Variants in ULK4 observed in about 807,000 individuals in gnomAD.
ULK4 encodes unc-51 like kinase 4, also known as inactive serine/threonine-protein kinase ULK4.
ULK4 carries 133 observed loss-of-function variants against 160.6 expected under a neutral mutation model. That is an observed-to-expected ratio of 0.83 (90% CI 0.72 to 0.96). The LOEUF (loss-of-function observed/expected upper bound fraction) is 0.96, where lower values mean the gene tolerates loss of function less well. Among genes scored for constraint, ULK4 ranks in the 40% least tolerant of loss-of-function variants. ULK4 has a pLI of 0.00. For missense variants in ULK4, 1,580 were observed against 1,499.5 expected (o/e 1.05, Z -0.89); for synonymous variants, 534 against 539.8 (o/e 0.99, Z 0.15).
intron 27 of ULK4, among the ~76,000 whole-genome samples, chr3:41,693,685 G>C (rs1055634107): frequency 1.3e-5 from 2 of 152,184 alleles, no homozygotes; most frequent in Admixed American, 1.3e-4. Flanking sequence ...AGTAATGAGA[G>C]TATGATGGAA....
chr3:41,752,373 G>C (rs934280867), intron 22 of ULK4, among the ~76,000 whole-genome samples: 3 of 152,050 alleles, frequency 2.0e-5, no homozygotes, highest in African/African-American at 7.2e-5. Flanking sequence ...TCCACTTCTG[G>C]CCATAATGGA....
intron 32 of ULK4, among the ~76,000 whole-genome samples, chr3:41,506,280 A>T (rs1359910602): frequency 6.6e-6 from 1 of 152,182 alleles, no homozygotes; most frequent in Non-Finnish European, 1.5e-5. Flanking sequence ...CATAAACCAA[A>T]GAGAAGGTGC....
chr3:41,715,589 C>G (rs1200529678), intron 23 of ULK4, 21 bp from the exon 24 acceptor site: 1 of 1,613,790 alleles, frequency 6.2e-7, no homozygotes, highest in South Asian at 1.1e-5. Flanking sequence ...CAGCCCAGAG[C>G]ATATGTGGAG....
chr3:41,860,769 TC>T (rs1158931070), intron 17 of ULK4, among the ~76,000 whole-genome samples: 2 of 151,508 alleles, frequency 1.3e-5, no homozygotes, highest in Non-Finnish European at 3.0e-5. Context: ...TTATTTGTTT[TC>T]TGGTTGTTTT....
chr3:41,323,200 G>T (rs2080276116), intron 35 of ULK4, among the ~76,000 whole-genome samples: 1 of 151,696 alleles, frequency 6.6e-6, no homozygotes, highest in African/African-American at 2.4e-5. Flanking sequence ...GCCTTCCAAA[G>T]TGTTGGGATT....
At chr3:41,263,538 C>T (rs146985488) in intron 35 of ULK4, among the ~76,000 whole-genome samples, 1 of 152,298 alleles carries the variant, frequency 6.6e-6, no homozygotes, top group African/African-American at 2.4e-5. Flanking sequence ...CTAAACCACT[C>T]TGCAGTGATT....
At chr3:41,313,735 GT>G (rs775824167) in intron 35 of ULK4, among the ~76,000 whole-genome samples, 1 of 152,092 alleles carries the variant, frequency 6.6e-6, no homozygotes, top group African/African-American at 2.4e-5. Flanking sequence ...TTCTATAGTG[GT>G]TTTAAAACAT....
chr3:41,666,794 T>G (rs2035363720), intron 29 of ULK4, among the ~76,000 whole-genome samples: 1 of 152,018 alleles, frequency 6.6e-6, no homozygotes, highest in Non-Finnish European at 1.5e-5. Context: ...ACATTCTCAA[T>G]AGGGCTAGAA....
chr3:41,953,304 A>ATTTTTTTTT (rs60007502), intron 2 of ULK4, among the ~76,000 whole-genome samples: 27 of 124,816 alleles, frequency 2.2e-4, no homozygotes, highest in African/African-American at 8.4e-4. Flanking sequence ...ATATATATAT[A>ATTTTTTTTT]TTTTTTTTTT....
At position 41,283,905 on chromosome 3, in the gene ULK4, C is replaced by A. The variant is rs143767556; in HGVS notation, c.3679-34331G>T. ...CAAAAATCAGTAGCTCTTCTATACA[C>A]CAACAGTGACCAAGCGGAGAATCAA... is the stretch of plus-strand genomic sequence containing the variant. On this transcript the variant is annotated intron_variant, in intron 35 of 36. Coordinates refer to ENST00000301831, the MANE Select transcript of ULK4 (RefSeq NM_017886.4). Among the ~76,000 whole-genome samples the A allele has an allele frequency of 5.3e-3, 808 of 152,102 alleles. 7 individuals are homozygous for A. Among genetic ancestry groups the A allele is most frequent in the African/African-American group, 0.018 (757 of 41,478 alleles).
intron 35 of ULK4, among the ~76,000 whole-genome samples, chr3:41,263,653 A>T (rs1179221980): frequency 6.6e-6 from 1 of 152,224 alleles, no homozygotes; most frequent in Non-Finnish European, 1.5e-5. Flanking sequence ...ATATGCAATA[A>T]ATATCATACA....
At chr3:41,796,393 C>T (rs1317511561) in intron 20 of ULK4, among the ~76,000 whole-genome samples, 1 of 151,880 alleles carries the variant, frequency 6.6e-6, no homozygotes, top group Admixed American at 6.6e-5. Flanking sequence ...GTTTGAGACC[C>T]GCCTGGCCAA....
chr3:41,638,356 A>C (rs1225475366), intron 30 of ULK4, among the ~76,000 whole-genome samples: 1 of 152,126 alleles, frequency 6.6e-6, no homozygotes, highest in African/African-American at 2.4e-5. Flanking sequence ...CTGTCCCTAA[A>C]AACTGACCAT....
intron 30 of ULK4, among the ~76,000 whole-genome samples, chr3:41,632,708 T>C (rs2033797517): frequency 6.6e-6 from 1 of 151,452 alleles, no homozygotes; most frequent in South Asian, 2.1e-4. Flanking sequence ...ACAAATGCTG[T>C]GTATGTGCTA....
intron 35 of ULK4, among the ~76,000 whole-genome samples, chr3:41,333,566 C>T (rs1385795387): frequency 6.6e-6 from 1 of 152,160 alleles, no homozygotes; most frequent in Non-Finnish European, 1.5e-5. Context: ...AAATCTTGCA[C>T]ATCTTACCTA....
intron 1 of ULK4, 37 bp from the exon 2 acceptor site, chr3:41,954,844 G>T (rs907238227): frequency 3.0e-6 from 4 of 1,314,726 alleles, no homozygotes; most frequent in Non-Finnish European, 4.2e-6. Flanking sequence ...ATAAATGCAA[G>T]TTAGTTGCAT....
chr3:41,297,794 T>A (rs1305460447), intron 35 of ULK4, among the ~76,000 whole-genome samples: 1 of 152,230 alleles, frequency 6.6e-6, no homozygotes, highest in Admixed American at 6.5e-5. Flanking sequence ...TGTGTCTCCA[T>A]AAGAGGCTGA....
intron 17 of ULK4, among the ~76,000 whole-genome samples, chr3:41,836,895 T>C (rs1258833417): frequency 6.6e-6 from 1 of 152,142 alleles, no homozygotes; most frequent in Non-Finnish European, 1.5e-5. Context: ...CGACCATGAT[T>C]AGGACAGAAC....
chr3:41,943,384 C>T (rs1405156350), intron 2 of ULK4, among the ~76,000 whole-genome samples: 1 of 152,120 alleles, frequency 6.6e-6, no homozygotes, highest in African/African-American at 2.4e-5. Flanking sequence ...ACCAAAATCT[C>T]TGTTACACAT....
Sources: allele counts gnomAD v4.1 joint callset (sites outside exome capture counted in the v4.1 genomes callset), GRCh38; gene constraint gnomAD v4.1.1; transcripts MANE v1.5; gene names NCBI Gene and HGNC (gene_info 2026-07-23, HGNC 2026-07-21).